The following PRKG1 variants were observed in gnomAD, a reference collection of about 807,000 sequenced individuals.
The protein encoded by PRKG1 is cGMP-dependent protein kinase 1.
In PRKG1, 35 loss-of-function variants were observed where a neutral mutation model predicts 88.1. That is an observed-to-expected ratio of 0.40 (90% CI 0.30 to 0.53). The LOEUF is 0.53. Ranked by LOEUF, PRKG1 falls within the 20% of genes least tolerant of loss-of-function variation. The pLI is 0.59. For missense variants in PRKG1, 540 were observed against 839.8 expected (o/e 0.64, Z 4.41); for synonymous variants, 303 against 292.5 (o/e 1.04, Z -0.37).
intron 6 of PRKG1, among the ~76,000 whole-genome samples, chr10:52,055,939 A>G (rs1234300598): frequency 6.6e-6 from 1 of 152,190 alleles, no homozygotes; most frequent in Non-Finnish European, 1.5e-5. Flanking sequence ...TCCTTGGACT[A>G]CTTTTGGATC....
At chr10:52,138,655 G>A (rs1837493229) in intron 8 of PRKG1, among the ~76,000 whole-genome samples, 1 of 151,998 alleles carries the variant, frequency 6.6e-6, no homozygotes, top group African/African-American at 2.4e-5. Context: ...TTTGTTATTG[G>A]GACAGTCTAG....
Position 51,970,815 on chromosome 10 carries a change from G to A in PRKG1, c.762+63245G>A, listed in dbSNP as rs1020535094. On this transcript the variant is annotated intron_variant, in intron 5 of 17. Transcript: ENST00000373980. ...ATTATATATATATATCAGATGATGT[G>A]TATATATATATATGTGATATATATA... is the stretch of plus-strand genomic sequence containing the variant. Among the ~76,000 whole-genome samples the A allele has an allele frequency of 3.5e-4, 49 of 139,816 alleles. No individual in the cohort carries two copies. The East Asian group carries it at 1.0e-2, about 28-fold the overall frequency. 91.7% of individuals were successfully genotyped at this position (139,816 alleles called of 152,430 possible).
intron 1 of PRKG1, among the ~76,000 whole-genome samples, chr10:51,109,469 G>C (rs537426341): frequency 1.1e-3 from 160 of 152,036 alleles, no homozygotes; most frequent in African/African-American, 3.3e-3. Context: ...AAAGCGCAAA[G>C]GCAATTAAGT....
chr10:51,433,951 A>T (rs990072144), intron 2 of PRKG1, among the ~76,000 whole-genome samples: 1 of 152,074 alleles, frequency 6.6e-6, no homozygotes, highest in African/African-American at 2.4e-5. Flanking sequence ...TAAAACCTTT[A>T]CTTTATAGGT....
intron 5 of PRKG1, among the ~76,000 whole-genome samples, chr10:52,014,385 TC>T: frequency 6.6e-6 from 1 of 152,134 alleles, no homozygotes; most frequent in East Asian, 1.9e-4. Flanking sequence ...CCATGAGAAC[TC>T]ATGCACTATC....
chr10:51,510,864 C>A (rs1194281604), intron 3 of PRKG1, among the ~76,000 whole-genome samples: 1 of 151,154 alleles, frequency 6.6e-6, no homozygotes, highest in African/African-American at 2.4e-5. Flanking sequence ...CTGCCTCAGC[C>A]TCCCAAGTAG....
At chr10:51,376,512 C>A (rs1842819912) in intron 2 of PRKG1, among the ~76,000 whole-genome samples, 2 of 152,178 alleles carry the variant, frequency 1.3e-5, no homozygotes, top group Admixed American at 6.5e-5. Context: ...ATGCTGTTAA[C>A]ACTTCTGAGA....
intron 2 of PRKG1, among the ~76,000 whole-genome samples, chr10:51,219,519 C>A (rs962725315): frequency 6.6e-6 from 1 of 151,662 alleles, no homozygotes; most frequent in Non-Finnish European, 1.5e-5. Flanking sequence ...ACCAGCCTGG[C>A]CAACATAGTG....
At chr10:51,471,941 A>T (rs1246785673) in intron 3 of PRKG1, among the ~76,000 whole-genome samples, 1 of 151,934 alleles carries the variant, frequency 6.6e-6, no homozygotes, top group Non-Finnish European at 1.5e-5. Flanking sequence ...AAAATATCTG[A>T]CTAATTATTT....
intron 7 of PRKG1, among the ~76,000 whole-genome samples, chr10:52,108,785 C>T (rs1298547408): frequency 1.3e-5 from 2 of 149,000 alleles, no homozygotes; most frequent in African/African-American, 2.5e-5. Context: ...CTAAAGGTGT[C>T]AAAAGTAGAA....
rs1191152175 is a variant in PRKG1 at position 51,428,146 on chromosome 10, C to T, written c.479-39577C>T. 3.3e-5 allele frequency among the ~76,000 whole-genome samples: 5 copies of T among 152,164 alleles called. 1 individual carries two copies. Among genetic ancestry groups the T allele is most frequent in the Non-Finnish European group, 7.3e-5 (5 of 68,030 alleles). On this transcript the variant is annotated intron_variant, in intron 2 of 17. Coordinates refer to ENST00000373980, the MANE Select transcript of PRKG1 (RefSeq NM_006258.4). ...GCTTTCTAACTGCTAGAACTTCTATCGCATCTGAATAGCTTTCTGTTTTCC... is the reference window on the plus strand; with the variant it reads ...GCTTTCTAACTGCTAGAACTTCTATTGCATCTGAATAGCTTTCTGTTTTCC...
chr10:51,737,497 T>C (rs916208444), intron 3 of PRKG1, among the ~76,000 whole-genome samples: 1 of 152,132 alleles, frequency 6.6e-6, no homozygotes, highest in Admixed American at 6.6e-5. Context: ...CACATTGTTG[T>C]ATTTCCCATT....
At chr10:51,232,371 G>T (rs1838866520) in intron 2 of PRKG1, among the ~76,000 whole-genome samples, 1 of 152,172 alleles carries the variant, frequency 6.6e-6, no homozygotes, top group African/African-American at 2.4e-5. Flanking sequence ...TAAGGAATTA[G>T]ATTTGGTTAC....
At chr10:51,382,802 G>A (rs924745778) in intron 2 of PRKG1, among the ~76,000 whole-genome samples, 1 of 152,158 alleles carries the variant, frequency 6.6e-6, no homozygotes, top group African/African-American at 2.4e-5. Context: ...CCTTCTCCAT[G>A]TGTCAACTTT....
chr10:51,520,766 G>A (rs1040906156), intron 3 of PRKG1, among the ~76,000 whole-genome samples: 10 of 151,962 alleles, frequency 6.6e-5, no homozygotes, highest in East Asian at 3.9e-4. Flanking sequence ...TGAAATAGCC[G>A]GCAAAAAGAA....
intron 3 of PRKG1, among the ~76,000 whole-genome samples, chr10:51,549,886 CTATT>C (rs1221467564): frequency 6.6e-6 from 1 of 152,088 alleles, no homozygotes; most frequent in Non-Finnish European, 1.5e-5. Context: ...TTTCCATAAA[CTATT>C]AGTTAGGATG....
At chr10:51,754,321 C>G (rs559422303) in intron 3 of PRKG1, among the ~76,000 whole-genome samples, 21 of 152,300 alleles carry the variant, frequency 1.4e-4, no homozygotes, top group South Asian at 8.3e-4. Flanking sequence ...ATTGATAATT[C>G]TCTGGCAATA....
chr10:51,236,462 C>T (rs929593924), intron 2 of PRKG1, among the ~76,000 whole-genome samples: 1 of 150,320 alleles, frequency 6.7e-6, no homozygotes, highest in African/African-American at 2.4e-5. Context: ...TCCGAATATG[C>T]ATTTGGGCAA....
chr10:51,432,436 CT>C (rs537771653), intron 2 of PRKG1, among the ~76,000 whole-genome samples: 1 of 152,222 alleles, frequency 6.6e-6, no homozygotes, highest in East Asian at 1.9e-4. Context: ...AAAAACACAA[CT>C]TCAGAGATTT....
Sources: allele counts gnomAD v4.1 joint callset (sites outside exome capture counted in the v4.1 genomes callset), GRCh38; gene constraint gnomAD v4.1.1; transcripts MANE v1.5; gene names NCBI Gene and HGNC (gene_info 2026-07-23, HGNC 2026-07-21).